Variants in GRAMD4 observed in about 807,000 individuals in gnomAD.
GRAMD4 encodes the protein GRAM domain containing 4, also known as GRAM domain-containing protein 4.
A neutral mutation model predicts 83.9 loss-of-function variants in GRAMD4; 25 were observed. The ratio of observed to expected loss-of-function variants is 0.30; its 90% CI spans 0.22 to 0.42. The LOEUF (loss-of-function observed/expected upper bound fraction) is 0.42. Ranked by LOEUF, GRAMD4 falls within the 10% of genes least tolerant of loss-of-function variation. The pLI is 1.00. For synonymous variants in GRAMD4, 336 were observed against 320.9 expected (o/e 1.05, Z -0.50); for missense variants, 593 against 788.7 (o/e 0.75, Z 2.97).
In GRAMD4 at chr22:46,630,256, G is replaced by A. The variant is rs183787723; in HGVS notation, c.162+3295G>A. Among the ~76,000 whole-genome samples the A allele has an allele frequency of 4.6e-3, 698 of 152,222 alleles. 1 individual carries two copies. Among genetic ancestry groups the A allele is most frequent in the African/African-American group, 0.015 (630 of 41,528 alleles). On this transcript the variant is annotated intron_variant, in intron 2 of 18. Transcript: ENST00000406902. ...GCCCAGGCTGTTCTCGAACTCCTGA[G>A]CTCAGGCAATCCACCCGCCTCAGCC...
At chr22:46,663,204 C>G (rs1422951894) in intron 6 of GRAMD4, 32 bp downstream of exon 6, 1 of 1,596,202 alleles carries the variant, frequency 6.3e-7, no homozygotes, top group South Asian at 1.1e-5. Flanking sequence ...GCTGCCTGTG[C>G]GTTAGGGGCC....
At chr22:46,666,701 C>CA (rs1402749104) in intron 9 of GRAMD4, 124 bp from the exon 10 acceptor site, 1 of 780,204 alleles carries the variant, frequency 1.3e-6, no homozygotes, top group East Asian at 2.6e-5. Context: ...CCCCATTGGG[C>CA]AGCATAGAAG....
At chr22:46,583,436 G>A (rs2081117213) in intron 1 of GRAMD4, among the ~76,000 whole-genome samples, 1 of 152,162 alleles carries the variant, frequency 6.6e-6, no homozygotes, top group Non-Finnish European at 1.5e-5. Flanking sequence ...TTTACCTAAT[G>A]TCCTTTTTCT....
At chr22:46,624,013 C>T (rs930799023) in intron 1 of GRAMD4, among the ~76,000 whole-genome samples, 2 of 152,022 alleles carry the variant, frequency 1.3e-5, no homozygotes, top group African/African-American at 4.8e-5. Flanking sequence ...GACTCCTGAC[C>T]TCAAGTGATC....
chr22:46,678,711 G>A lies in GRAMD4; in HGVS notation c.*1460G>A. The A allele has an allele frequency of 1.0e-6, 1 of 985,710 alleles. No homozygotes were observed. Among genetic ancestry groups the A allele is most frequent in the African/African-American group, 1.7e-5 (1 of 57,358 alleles). 61.1% of individuals were successfully genotyped at this position (985,710 alleles called of 1,614,324 possible). On this transcript the variant is annotated 3_prime_UTR_variant, in exon 19 of 19. Coordinates refer to ENST00000406902, the MANE Select transcript of GRAMD4 (RefSeq NM_015124.5). ...CTTATTTTTGTATCCTTTTTCAGAT[G>A]TAATTTTTATCTTTGCTCCGATCCT...
At chr22:46,595,788 G>A (rs892001026) in intron 1 of GRAMD4, among the ~76,000 whole-genome samples, 1 of 152,270 alleles carries the variant, frequency 6.6e-6, no homozygotes, top group African/African-American at 2.4e-5. Flanking sequence ...TGCATGGGCA[G>A]GTGAGCACCC....
chr22:46,579,832 A>C (rs2081079995), intron 1 of GRAMD4, among the ~76,000 whole-genome samples: 1 of 151,692 alleles, frequency 6.6e-6, no homozygotes, highest in South Asian at 2.1e-4. Flanking sequence ...CATCTCGGGG[A>C]GCTGGGGAGG....
chr22:46,633,764 G>A (rs906130549), intron 2 of GRAMD4, among the ~76,000 whole-genome samples: 2 of 152,200 alleles, frequency 1.3e-5, no homozygotes, highest in Non-Finnish European at 2.9e-5. Context: ...CCCTAGTTCC[G>A]AGCAGGGTGT....
intron 3 of GRAMD4, 75 bp downstream of exon 3, chr22:46,638,035 G>T: frequency 6.6e-7 from 1 of 1,511,614 alleles, no homozygotes; most frequent in Non-Finnish European, 9.1e-7. Flanking sequence ...ATGTCGTCTT[G>T]CCCAGGAGCT....
intron 2 of GRAMD4, among the ~76,000 whole-genome samples, chr22:46,632,772 G>A (rs554502370): frequency 1.3e-5 from 2 of 152,350 alleles, no homozygotes; most frequent in African/African-American, 4.8e-5. Flanking sequence ...AGACCGTGGG[G>A]CCCAGCCCTC....
At chr22:46,585,457 T>C (rs2081140437) in intron 1 of GRAMD4, among the ~76,000 whole-genome samples, 1 of 152,214 alleles carries the variant, frequency 6.6e-6, no homozygotes, top group Admixed American at 6.5e-5. Context: ...CCCAAAGTGC[T>C]GGGATTATAG....
At chr22:46,646,477 A>G (rs1265674727) in intron 3 of GRAMD4, among the ~76,000 whole-genome samples, 4 of 152,192 alleles carry the variant, frequency 2.6e-5, no homozygotes, top group Non-Finnish European at 5.9e-5. Flanking sequence ...CTGGAGCGGA[A>G]GGGAAGTTTC....
At chr22:46,674,535 G>C (rs2073275) in intron 15 of GRAMD4, 122 bp from the exon 16 acceptor site, 207,076 of 770,946 alleles carry the variant, frequency 0.27, 30,211 homozygotes, top group East Asian at 0.39. Flanking sequence ...CTCACTGTGG[G>C]TGTGACGTGA....
chr22:46,654,574 C>T (rs1424505366), intron 3 of GRAMD4, among the ~76,000 whole-genome samples: 2 of 152,172 alleles, frequency 1.3e-5, no homozygotes, highest in Admixed American at 6.5e-5. Flanking sequence ...GAGGTCCCTG[C>T]AGGGGGTGGG....
chr22:46,657,106 C>T (rs1471107884), intron 3 of GRAMD4, among the ~76,000 whole-genome samples: 1 of 152,248 alleles, frequency 6.6e-6, no homozygotes, highest in African/African-American at 2.4e-5. Context: ...CTGCCTGAGC[C>T]TGTCAAGGAG....
At chr22:46,675,971 A>G (rs1403324020) in intron 17 of GRAMD4, among the ~76,000 whole-genome samples, 8 of 152,190 alleles carry the variant, frequency 5.3e-5, no homozygotes, top group South Asian at 2.1e-4. Flanking sequence ...GTAGCATGGA[A>G]TGAGCAGGTG....
intron 1 of GRAMD4, among the ~76,000 whole-genome samples, chr22:46,577,728 C>A (rs370648656): frequency 6.6e-6 from 1 of 152,176 alleles, no homozygotes; most frequent in Non-Finnish European, 1.5e-5. Flanking sequence ...GCCCCTGCTT[C>A]CCTACAGACG....
intron 3 of GRAMD4, among the ~76,000 whole-genome samples, chr22:46,641,471 T>G (rs534934425): frequency 6.6e-5 from 10 of 152,202 alleles, no homozygotes; most frequent in East Asian, 3.9e-4. Context: ...CAGCTCTCTG[T>G]GAATGAAGAG....
chr22:46,620,305 C>T, upstream of GRAMD4: 1 of 985,728 alleles, frequency 1.0e-6, no homozygotes, highest in Non-Finnish European at 1.2e-6. The surrounding 1 kb of genome is among the most constrained non-coding windows in gnomAD (Gnocchi z 4.7). Context: ...GGGCCTGGAG[C>T]CTGGCCGGGC....
Sources: allele counts gnomAD v4.1 joint callset (sites outside exome capture counted in the v4.1 genomes callset), GRCh38; gene constraint gnomAD v4.1.1; non-coding constraint Gnocchi (gnomAD v3.1); transcripts MANE v1.5; gene names NCBI Gene and HGNC (gene_info 2026-07-23, HGNC 2026-07-21).